The following ZZEF1 variants were observed in gnomAD, a reference collection of about 807,000 sequenced individuals.
ZZEF1 encodes zinc finger ZZ-type and EF-hand domain-containing protein 1.
In ZZEF1, 157 loss-of-function variants were observed where a neutral mutation model predicts 342.8. The ratio of observed to expected loss-of-function variants is 0.46; its 90% CI spans 0.40 to 0.52. The LOEUF (loss-of-function observed/expected upper bound fraction) is 0.52. Among genes scored for constraint, ZZEF1 ranks in the 20% least tolerant of loss-of-function variants. ZZEF1 has a pLI of 0.00. For synonymous variants in ZZEF1, 1,505 were observed against 1,429.1 expected (o/e 1.05, Z -1.20); for missense variants, 3,480 against 3,725.6 (o/e 0.93, Z 1.72).
intron 39 of ZZEF1, among the ~76,000 whole-genome samples, chr17:4,037,818 A>C (rs1444003644): frequency 6.6e-6 from 1 of 152,176 alleles, no homozygotes; most frequent in African/African-American, 2.4e-5. Flanking sequence ...CCTGGGTTCA[A>C]GCAACCCTCC....
At chr17:4,019,624 A>T in intron 46 of ZZEF1, 45 bp downstream of exon 46, 2 of 1,564,368 alleles carry the variant, frequency 1.3e-6, no homozygotes, top group Non-Finnish European at 1.8e-6. Flanking sequence ...GCCCTCACAT[A>T]TTCTCTCCCT....
At position 4,016,642 on chromosome 17, in the gene ZZEF1, C is replaced by A. The variant is rs2056109254; in HGVS notation, c.8002-176G>T. The A allele has an allele frequency of 9.4e-6, 6 of 637,568 alleles. No homozygotes were observed. In the East Asian group the frequency reaches 1.7e-4, roughly 18 times the overall value. 39.5% of individuals were successfully genotyped at this position (637,568 alleles called of 1,614,324 possible). A position where few individuals can be genotyped will look rare whatever the true frequency, so the allele number is the denominator to read the frequency against. On this transcript the variant is annotated intron_variant, in intron 48 of 54. Coordinates refer to ENST00000381638, the MANE Select transcript of ZZEF1 (RefSeq NM_015113.4). The surrounding 1 kb of genome is among the most constrained non-coding windows in gnomAD (Gnocchi z 4.4). ...ACCAGCCACCTCTCACTTGACCAGG[C>A]TCTTGGTGTCAATCAGGACACTGCA...
At chr17:4,096,303 C>T (rs191604454) in intron 10 of ZZEF1, among the ~76,000 whole-genome samples, 1,709 of 151,140 alleles carry the variant, frequency 0.011, 15 homozygotes, top group Non-Finnish European at 0.017. Context: ...ATAGGTCTGA[C>T]TTTAAAAAAA....
chr17:4,073,508 T>C (rs567941508), intron 24 of ZZEF1, among the ~76,000 whole-genome samples: 15 of 152,334 alleles, frequency 9.8e-5, no homozygotes, highest in African/African-American at 3.4e-4. Flanking sequence ...CACAGCTCAC[T>C]GCATGCAGCC....
intron 39 of ZZEF1, among the ~76,000 whole-genome samples, chr17:4,038,808 AAAAC>A (rs148859871): frequency 0.21 from 31,704 of 151,174 alleles, 4,900 homozygotes; most frequent in African/African-American, 0.45. Flanking sequence ...TCTGTCTCAA[AAAAC>A]AAACAAACAA....
intron 39 of ZZEF1, 110 bp from the exon 40 acceptor site, chr17:4,034,402 A>G: frequency 8.8e-7 from 1 of 1,130,948 alleles, no homozygotes; most frequent in South Asian, 1.5e-5. Context: ...TGCTAACGGA[A>G]TCATGCTTGT....
rs774326178 is a variant in ZZEF1 at position 4,016,338 on chromosome 17, G to A, written c.8130C>T (p.Asn2710=). ...CCAGGCTTACCTCGAAGTTGGTGTT[G>A]TTGTTATACGGGTGTTTCGACTCCC... ...QVRESKHPYN[N]NTNFEDKVHI... The change falls in exon 49 of 55, where the codon AAC becomes AAT. Residue 2710 remains asparagine (N), a synonymous_variant. Coordinates refer to ENST00000381638, the MANE Select transcript of ZZEF1 (RefSeq NM_015113.4). The surrounding 1 kb of genome is among the most constrained non-coding windows in gnomAD (Gnocchi z 4.4). 6.2e-7 allele frequency: 1 copy of A among 1,613,996 alleles called. No homozygotes were observed. Among genetic ancestry groups the A allele is most frequent in the South Asian group, 1.1e-5 (1 of 91,068 alleles).
intron 1 of ZZEF1, among the ~76,000 whole-genome samples, chr17:4,129,937 TCA>T (rs541758518): frequency 1.1e-4 from 17 of 152,270 alleles, no homozygotes; most frequent in Admixed American, 9.1e-4. Flanking sequence ...CTGCATGTTC[TCA>T]CTTACAAGTG....
At chr17:4,076,601 A>ATG in intron 21 of ZZEF1, 36 bp downstream of exon 21, 1 of 1,589,588 alleles carries the variant, frequency 6.3e-7, no homozygotes, top group Non-Finnish European at 8.6e-7. Context: ...CTCCTGAGAG[A>ATG]GAACACGGGG....
At chr17:4,119,017 T>C (rs1248824668) in intron 2 of ZZEF1, among the ~76,000 whole-genome samples, 3 of 152,232 alleles carry the variant, frequency 2.0e-5, no homozygotes, top group Non-Finnish European at 4.4e-5. Flanking sequence ...GAAGAGTTGA[T>C]GTACCTGAGG....
intron 2 of ZZEF1, among the ~76,000 whole-genome samples, chr17:4,121,288 C>T (rs2058478471): frequency 6.6e-6 from 1 of 152,164 alleles, no homozygotes; most frequent in African/African-American, 2.4e-5. Flanking sequence ...GCTGGTAATG[C>T]AAAAGTGGAG....
intron 2 of ZZEF1, among the ~76,000 whole-genome samples, chr17:4,122,784 C>T (rs770567263): frequency 1.1e-4 from 16 of 152,014 alleles, no homozygotes; most frequent in East Asian, 3.8e-4. Flanking sequence ...TCAATAAAGA[C>T]GCCAAAATAG....
At position 4,016,239 on chromosome 17, in the gene ZZEF1, A is replaced by C; in HGVS notation, c.8145+84T>G. 2 of 1,498,114 alleles carry C rather than the reference A, an allele frequency of 1.3e-6. No homozygotes were observed. The highest frequency in any genetic ancestry group is 1.8e-6 in the Non-Finnish European group (2 of 1,115,800). The allele number at this position is 1,498,114 out of a possible 1,614,324, so 92.8% of individuals were successfully genotyped here. Reference sequence around the variant, plus strand: ...GCGGGAGAGAGCCACAGAGGGGCTGAGCATGGAGGGGCTGAGCACGGAGGG... The same window carrying C: ...GCGGGAGAGAGCCACAGAGGGGCTGCGCATGGAGGGGCTGAGCACGGAGGG... On this transcript the variant is annotated intron_variant, in intron 49 of 54. Transcript: ENST00000381638. This position sits in a 1 kb window ranked among gnomAD's most constrained non-coding sequence, Gnocchi z 4.4.
chr17:4,044,633 C>T (rs1449119557), intron 37 of ZZEF1, among the ~76,000 whole-genome samples: 1 of 152,006 alleles, frequency 6.6e-6, no homozygotes, highest in Non-Finnish European at 1.5e-5. Context: ...ATCCTCCTGC[C>T]TTAGCCTCCT....
Position 4,017,818 on chromosome 17 carries a change from C to T in ZZEF1, c.7641+18G>A, listed in dbSNP as rs765959568. ...GGATGGGGTGCAGATACTTTGGGTCCGAGGTCGGGTGACATACCAAGCATG... is the reference window on the plus strand; with the variant it reads ...GGATGGGGTGCAGATACTTTGGGTCTGAGGTCGGGTGACATACCAAGCATG... On this transcript the variant is annotated intron_variant, in intron 47 of 54. Coordinates refer to ENST00000381638, the MANE Select transcript of ZZEF1 (RefSeq NM_015113.4). The surrounding 1 kb of genome is among the most constrained non-coding windows in gnomAD (Gnocchi z 5.1). The T allele has an allele frequency of 1.1e-5, 18 of 1,613,932 alleles. No individual in the cohort carries two copies. Among genetic ancestry groups the T allele is most frequent in the Middle Eastern group, 1.6e-4 (1 of 6,084 alleles).
intron 42 of ZZEF1, among the ~76,000 whole-genome samples, chr17:4,030,392 T>C (rs970265759): frequency 6.6e-6 from 1 of 152,192 alleles, no homozygotes; most frequent in African/African-American, 2.4e-5. Context: ...CTTACAATGG[T>C]TCAACGTAAT....
At chr17:4,102,244 G>A in intron 9 of ZZEF1, 73 bp downstream of exon 9, 2 of 1,355,642 alleles carry the variant, frequency 1.5e-6, no homozygotes, top group Non-Finnish European at 2.1e-6. Flanking sequence ...ACATTTCAAA[G>A]TCTGGAGTGT....
At position 4,022,882 on chromosome 17, in the gene ZZEF1, A is replaced by C. The variant is rs555955792; in HGVS notation, c.7093-54T>G. The C allele has an allele frequency of 8.3e-5, 132 of 1,596,464 alleles. 3 individuals are homozygous for C. The South Asian group carries it at 1.5e-3, about 18-fold the overall frequency. On this transcript the variant is annotated intron_variant, in intron 43 of 54. Transcript: ENST00000381638. ...ACTGCCTTGGAGTGAAGAAGGTACA[A>C]CCTTAGCTGTAACTCAGTCTGTTCA... is the stretch of plus-strand genomic sequence containing the variant.
chr17:4,031,028 C>T (rs1171157312), intron 42 of ZZEF1, among the ~76,000 whole-genome samples: 2 of 149,806 alleles, frequency 1.3e-5, no homozygotes, highest in African/African-American at 2.5e-5. Flanking sequence ...AAAATACAAA[C>T]GTTAGGCTGG....
Sources: allele counts gnomAD v4.1 joint callset (sites outside exome capture counted in the v4.1 genomes callset), GRCh38; gene constraint gnomAD v4.1.1; non-coding constraint Gnocchi (gnomAD v3.1); transcripts MANE v1.5; gene names NCBI Gene and HGNC (gene_info 2026-07-23, HGNC 2026-07-21).